Variants in BAZ2A observed in about 807,000 individuals in gnomAD.
BAZ2A encodes bromodomain adjacent to zinc finger domain 2A.
In BAZ2A, 34 loss-of-function variants were observed where a neutral mutation model predicts 199.9. That is an observed-to-expected ratio of 0.17 (90% CI 0.13 to 0.23). The LOEUF is 0.23. Among genes scored for constraint, BAZ2A ranks in the 10% least tolerant of loss-of-function variants. The probability of loss-of-function intolerance (pLI) is 1.00; values close to 1 mark genes in which losing one functional copy is unlikely to be tolerated. For synonymous variants in BAZ2A, 857 were observed against 883.9 expected (o/e 0.97, Z 0.54); for missense variants, 2,002 against 2,391.1 (o/e 0.84, Z 3.39).
Position 56,595,934 on chromosome 12 carries a change from T to TATC in BAZ2A, c.*2681_*2683dup, listed in dbSNP as rs1555203725. ...GAATACACAGAGTCTTTTGAATCTCTATCAAATGTGGTTTTTTTTATTCAA... is the reference window on the plus strand; with the variant it reads ...GAATACACAGAGTCTTTTGAATCTCTATCATCAAATGTGGTTTTTTTTATTCAA... On this transcript the variant is annotated 3_prime_UTR_variant, in exon 29 of 29. Transcript: ENST00000549884. 3.8e-5 allele frequency: 2 copies of TATC among 52,000 alleles called. No homozygotes were observed. Among genetic ancestry groups the TATC allele is most frequent in the Non-Finnish European group, 7.0e-5 (2 of 28,400 alleles). The allele number at this position is 52,000 out of a possible 1,614,324, so 3.2% of individuals were successfully genotyped here.
In BAZ2A at chr12:56,605,707, C is replaced by T; in HGVS notation, c.2493+123G>A. On this transcript the variant is annotated intron_variant, in intron 13 of 28. Coordinates refer to ENST00000549884, the MANE Select transcript of BAZ2A (RefSeq NM_001300905.2). ...AAAGTGCTGGGATTACAGTGTGAGC[C>T]ATGGCACCCGGCCTTCCTTTAATCT... is the stretch of plus-strand genomic sequence containing the variant. The T allele has an allele frequency of 4.5e-6, 5 of 1,118,292 alleles. No individual in the cohort carries two copies. In the South Asian group the frequency reaches 5.0e-5, roughly 11 times the overall value. The allele number at this position is 1,118,292 out of a possible 1,614,324, so 69.3% of individuals were successfully genotyped here. A position where few individuals can be genotyped will look rare whatever the true frequency, so the allele number is the denominator to read the frequency against.
At chr12:56,615,691 C>A (rs1950693978) in intron 2 of BAZ2A, 84 bp from the exon 3 acceptor site, 6 of 1,079,242 alleles carry the variant, frequency 5.6e-6, no homozygotes, top group Non-Finnish European at 7.8e-6. Flanking sequence ...ATAGCACTGA[C>A]TAGAAAAAGA....
rs749370799 is a variant in BAZ2A at position 56,598,509 on chromosome 12, G to T, written c.*109C>A. The T allele has an allele frequency of 8.2e-5, 113 of 1,380,402 alleles. 1 individual carries two copies. In the Admixed American group the frequency reaches 1.3e-3, roughly 16 times the overall value. The allele number at this position is 1,380,402 out of a possible 1,614,324, so 85.5% of individuals were successfully genotyped here. On this transcript the variant is annotated 3_prime_UTR_variant, in exon 29 of 29. Transcript: ENST00000549884. ...AAGGGCAAGGTCAAAAATCAGGGTT[G>T]TATCTGACTTGAGTCTGGACCCAGG...
At chr12:56,634,453 G>A (rs375282184), upstream of BAZ2A, among the ~76,000 whole-genome samples, 9 of 152,308 alleles carry the variant, frequency 5.9e-5, no homozygotes, top group African/African-American at 2.2e-4. Context: ...GGTGGGGTGA[G>A]GACTACAGAA....
At chr12:56,615,857 C>T (rs1024977658) in intron 2 of BAZ2A, among the ~76,000 whole-genome samples, 1 of 152,112 alleles carries the variant, frequency 6.6e-6, no homozygotes, top group African/African-American at 2.4e-5. Context: ...TGAGAGCCAC[C>T]AGCAGAGCTG....
chr12:56,631,565 G>A (rs1470471546), upstream of BAZ2A, among the ~76,000 whole-genome samples: 1 of 151,564 alleles, frequency 6.6e-6, no homozygotes, highest in Non-Finnish European at 1.5e-5. Context: ...GATAAAATAT[G>A]ACAAGAAAGG....
chr12:56,607,378 T>C (rs1228670978), intron 10 of BAZ2A, among the ~76,000 whole-genome samples: 1 of 152,164 alleles, frequency 6.6e-6, no homozygotes, highest in Non-Finnish European at 1.5e-5. Context: ...TATATACATA[T>C]ATATATTTTT....
rs775294747 is a variant in BAZ2A at position 56,614,059 on chromosome 12, G to A, written c.810C>T (p.Asp270=). 1 of 1,614,026 alleles carries A rather than the reference G, an allele frequency of 6.2e-7. No individual in the cohort carries two copies. Among genetic ancestry groups the A allele is most frequent in the Middle Eastern group, 1.6e-4 (1 of 6,062 alleles). ...LHQEVSVLVP[D]PTVSCLDDPS... ...GATCATCTAAACAGCTCACTGTGGGGTCAGGGACCAGGACTGAGACCTCTT... is the reference window on the plus strand; with the variant it reads ...GATCATCTAAACAGCTCACTGTGGGATCAGGGACCAGGACTGAGACCTCTT... The change falls in exon 4 of 29, where the codon GAC becomes GAT. Residue 270 remains aspartate (D), a synonymous_variant. Transcript: ENST00000549884.
chr12:56,617,014 G>T (rs1045246175), intron 2 of BAZ2A, among the ~76,000 whole-genome samples: 5 of 152,176 alleles, frequency 3.3e-5, no homozygotes, highest in Non-Finnish European at 7.4e-5. Flanking sequence ...CAAACTAAAA[G>T]GCAATAAATA....
chr12:56,611,712 A>T lies in BAZ2A; in HGVS notation c.1609+61T>A, dbSNP rs1592588756. On this transcript the variant is annotated intron_variant, in intron 6 of 28. Transcript: ENST00000549884. ...AGGCCAATAGGGAAAGGCTAACTAC[A>T]ACATGGGACAGAAAAGTTTCTTGGA... 1.3e-5 allele frequency: 20 copies of T among 1,527,382 alleles called. No homozygotes were observed. The East Asian group carries it at 4.5e-4, about 34-fold the overall frequency. 94.6% of individuals were successfully genotyped at this position (1,527,382 alleles called of 1,614,324 possible).
Position 56,601,913 on chromosome 12 carries a change from A to G in BAZ2A, c.3704T>C (p.Leu1235Pro), listed in dbSNP as rs1886520589. 6 of 1,602,452 alleles carry G rather than the reference A, an allele frequency of 3.7e-6. No homozygotes were observed. The highest frequency in any genetic ancestry group is 2.2e-5 in the East Asian group (1 of 44,458). The change falls in exon 20 of 29, where the codon CTT (leucine) becomes CCT (proline). Residue 1235 changes from leucine to proline, a missense_variant. This residue lies in a region of BAZ2A where 1,081 missense variants were observed against 1,274.7 expected (regional missense o/e 0.85). Coordinates refer to ENST00000549884, the MANE Select transcript of BAZ2A (RefSeq NM_001300905.2). ...LHAPAQPQPQ[L>P]QLQLQSHKGF... ...CTTATGGGACTGAAGCTGAAGCTGAAGCTGAGGCTGGGGCTGGGCAGGAGC... is the reference window on the plus strand; with the variant it reads ...CTTATGGGACTGAAGCTGAAGCTGAGGCTGAGGCTGGGGCTGGGCAGGAGC...
At chr12:56,628,512 ATTCTG>A (rs1951186242) in intron 1 of BAZ2A, among the ~76,000 whole-genome samples, 1 of 152,206 alleles carries the variant, frequency 6.6e-6, no homozygotes, top group African/African-American at 2.4e-5. Context: ...TAATTAGTTG[ATTCTG>A]CAGAAGGTAG....
At chr12:56,625,173 T>C (rs1185613414) in intron 1 of BAZ2A, among the ~76,000 whole-genome samples, 4 of 149,718 alleles carry the variant, frequency 2.7e-5, no homozygotes, top group Admixed American at 1.3e-4. Flanking sequence ...TTTTTTTTTT[T>C]TTGAGACAGT....
chr12:56,598,471 G>T lies in BAZ2A; in HGVS notation c.*147C>A. 1.0e-6 allele frequency: 1 copy of T among 955,194 alleles called. No individual in the cohort carries two copies. Among genetic ancestry groups the T allele is most frequent in the Non-Finnish European group, 1.5e-6 (1 of 651,998 alleles). 59.2% of individuals were successfully genotyped at this position (955,194 alleles called of 1,614,324 possible). On this transcript the variant is annotated 3_prime_UTR_variant, in exon 29 of 29. Coordinates refer to ENST00000549884, the MANE Select transcript of BAZ2A (RefSeq NM_001300905.2). ...GAAAGGGATGTAGGAATAAGAGGAT[G>T]TGGGGCACTGCCAAGGGCAAGGTCA...
chr12:56,612,913 C>A, intron 5 of BAZ2A, 102 bp downstream of exon 5: 1 of 1,327,238 alleles, frequency 7.5e-7, no homozygotes, highest in African/African-American at 1.5e-5. Flanking sequence ...TGAGCCACTG[C>A]GCCCAGCCAG....
chr12:56,607,806 TG>T (rs1266331407), intron 10 of BAZ2A, among the ~76,000 whole-genome samples: 1 of 152,192 alleles, frequency 6.6e-6, no homozygotes, highest in East Asian at 1.9e-4. Flanking sequence ...CTTAGCTGGG[TG>T]CAGTGGCTCA....
chr12:56,624,626 A>C (rs1951023271), intron 1 of BAZ2A, among the ~76,000 whole-genome samples: 1 of 152,090 alleles, frequency 6.6e-6, no homozygotes. Context: ...CAAAAAAAAA[A>C]AAAAAAAACT....
At chr12:56,610,001 G>A in intron 9 of BAZ2A, 55 bp from the exon 10 acceptor site, 2 of 1,605,146 alleles carry the variant, frequency 1.2e-6, no homozygotes, top group South Asian at 1.1e-5. Flanking sequence ...AGGCCACGAG[G>A]CCCTCGGAAC....
chr12:56,599,572 C>A, intron 26 of BAZ2A, 130 bp downstream of exon 26: 1 of 1,384,286 alleles, frequency 7.2e-7, no homozygotes, highest in Admixed American at 2.6e-5. Context: ...ATTTAAGTGA[C>A]TTGTCCAAAA....
Sources: allele counts gnomAD v4.1 joint callset (sites outside exome capture counted in the v4.1 genomes callset), GRCh38; gene constraint gnomAD v4.1.1; regional missense constraint gnomAD v4.1.1; transcripts MANE v1.5; gene names NCBI Gene and HGNC (gene_info 2026-07-23, HGNC 2026-07-21).